CLEC16A: variants seen among roughly 807,000 people sequenced by gnomAD.
CLEC16A encodes the protein C-type lectin domain containing 16A.
A neutral mutation model predicts 109.5 loss-of-function variants in CLEC16A; 51 were observed. The observed-to-expected ratio is 0.47, with a 90% CI of 0.37 to 0.59. The LOEUF (loss-of-function observed/expected upper bound fraction) is 0.59. Among genes scored for constraint, CLEC16A ranks in the 20% least tolerant of loss-of-function variants. CLEC16A has a pLI of 0.00. For synonymous variants in CLEC16A, 673 were observed against 564.2 expected (o/e 1.19, Z -2.73); for missense variants, 1,339 against 1,394.0 (o/e 0.96, Z 0.63).
At chr16:11,129,418 G>A (rs2053044478) in intron 22 of CLEC16A, among the ~76,000 whole-genome samples, 1 of 152,138 alleles carries the variant, frequency 6.6e-6, no homozygotes, top group African/African-American at 2.4e-5. Flanking sequence ...GAAGACATCT[G>A]GATTCTCCTC....
Position 10,969,388 on chromosome 16 carries a change from A to G in CLEC16A, c.492+79A>G, listed in dbSNP as rs918520273. The G allele has an allele frequency of 1.2e-5, 12 of 978,298 alleles. No homozygotes were observed. In the Admixed American group the frequency reaches 3.7e-4, roughly 30 times the overall value. The allele number at this position is 978,298 out of a possible 1,614,324, so 60.6% of individuals were successfully genotyped here. A position where few individuals can be genotyped will look rare whatever the true frequency, so the allele number is the denominator to read the frequency against. On this transcript the variant is annotated intron_variant, in intron 4 of 23. Transcript: ENST00000409790. ...TTTTTTTTTTTTACGGCAGCGCCTT[A>G]TATCTGGATGGTCTTGTGTCTGTTT...
At chr16:10,964,471 G>A (rs1246752093) in intron 3 of CLEC16A, among the ~76,000 whole-genome samples, 1 of 152,244 alleles carries the variant, frequency 6.6e-6, no homozygotes, top group African/African-American at 2.4e-5. Flanking sequence ...GCTGCTGTTT[G>A]TGCATCTGTC....
At chr16:11,156,928 C>G (rs1418941745) in intron 22 of CLEC16A, 2 of 225,976 alleles carry the variant, frequency 8.9e-6, no homozygotes, top group East Asian at 2.7e-4. Context: ...CCCCCCCCCC[C>G]ACCCACCCCC....
chr16:11,039,652 T>C, intron 13 of CLEC16A, 102 bp from the exon 14 acceptor site: 3 of 1,278,022 alleles, frequency 2.3e-6, no homozygotes, highest in Non-Finnish European at 3.2e-6. Context: ...AGAGGGAACA[T>C]ATGTGGCTGA....
rs944414109 is a variant in CLEC16A at position 10,954,115 on chromosome 16, C to T, written c.81-3667C>T. On this transcript the variant is annotated intron_variant, in intron 1 of 23. Transcript: ENST00000409790. The surrounding 1 kb of genome is among the most constrained non-coding windows in gnomAD (Gnocchi z 4.2). ...CCACGCAATATCACTGCATACCCAG[C>T]AGATGGCGCCACCGACCAGGGCAAA... 6.6e-6 allele frequency among the ~76,000 whole-genome samples: 1 copy of T among 152,180 alleles called. No individual in the cohort carries two copies. The highest frequency in any genetic ancestry group is 1.5e-5 in the Non-Finnish European group (1 of 68,030).
At chr16:10,967,204 C>T (rs763971167) in intron 3 of CLEC16A, among the ~76,000 whole-genome samples, 37 of 152,168 alleles carry the variant, frequency 2.4e-4, no homozygotes, top group Non-Finnish European at 3.5e-4. Flanking sequence ...GCCACAGGCC[C>T]ACACTGTGGC....
chr16:10,995,915 G>C (rs1284338650), intron 10 of CLEC16A, among the ~76,000 whole-genome samples: 1 of 152,206 alleles, frequency 6.6e-6, no homozygotes, highest in African/African-American at 2.4e-5. Flanking sequence ...CGGCCTAGGA[G>C]AGCCTGGAAG....
At chr16:11,153,978 A>G (rs1446060713) in intron 22 of CLEC16A, among the ~76,000 whole-genome samples, 3 of 152,174 alleles carry the variant, frequency 2.0e-5, no homozygotes, top group East Asian at 1.9e-4. Context: ...ACACCTCCCC[A>G]TAAGTGCCAA....
At chr16:11,152,792 G>A (rs1484139986) in intron 22 of CLEC16A, among the ~76,000 whole-genome samples, 1 of 152,132 alleles carries the variant, frequency 6.6e-6, no homozygotes, top group Non-Finnish European at 1.5e-5. Context: ...CTTTCCTCCA[G>A]CCTCCCTCTG....
chr16:11,116,001 G>A (rs558725442), intron 19 of CLEC16A, among the ~76,000 whole-genome samples: 18 of 152,044 alleles, frequency 1.2e-4, no homozygotes, highest in African/African-American at 3.9e-4. Context: ...ATGAGCCACC[G>A]TGCCCAGCCC....
At chr16:11,097,436 CA>C (rs1482930816) in intron 19 of CLEC16A, among the ~76,000 whole-genome samples, 1 of 152,160 alleles carries the variant, frequency 6.6e-6, no homozygotes, top group African/African-American at 2.4e-5. Flanking sequence ...GTTAATCTTT[CA>C]TTAGAATTTG....
chr16:11,057,596 G>A (rs1394568531), intron 18 of CLEC16A, among the ~76,000 whole-genome samples: 1 of 152,204 alleles, frequency 6.6e-6, no homozygotes, highest in African/African-American at 2.4e-5. Context: ...ATTTGAGCTT[G>A]GTCAGCTGTC....
At chr16:11,021,568 G>A (rs572240246) in intron 12 of CLEC16A, among the ~76,000 whole-genome samples, 1 of 152,164 alleles carries the variant, frequency 6.6e-6, no homozygotes, top group Admixed American at 6.5e-5. Context: ...GAGGCCAAGG[G>A]GGGAGGATCA....
intron 22 of CLEC16A, among the ~76,000 whole-genome samples, chr16:11,143,182 C>T (rs940264680): frequency 6.6e-6 from 1 of 152,214 alleles, no homozygotes; most frequent in Non-Finnish European, 1.5e-5. Flanking sequence ...ACCTGGTGAG[C>T]TTGCAGTCTT....
intron 3 of CLEC16A, among the ~76,000 whole-genome samples, chr16:10,963,888 C>A (rs1177114011): frequency 1.3e-5 from 2 of 152,166 alleles, no homozygotes; most frequent in African/African-American, 2.4e-5. Flanking sequence ...GGACAGGCCC[C>A]CCACAACAGG....
chr16:10,986,730 A>AGT (rs200977014), intron 10 of CLEC16A, among the ~76,000 whole-genome samples: 10,809 of 116,798 alleles, frequency 0.093, 393 homozygotes, highest in African/African-American at 0.17. Context: ...TTTAAGGCTC[A>AGT]ATGTGTGTGT....
At chr16:11,154,183 C>G (rs1274793739) in intron 22 of CLEC16A, among the ~76,000 whole-genome samples, 1 of 152,210 alleles carries the variant, frequency 6.6e-6, no homozygotes, top group Non-Finnish European at 1.5e-5. Context: ...TCCCTCCGTC[C>G]CCATCCTCCA....
intron 3 of CLEC16A, among the ~76,000 whole-genome samples, chr16:10,968,334 C>G (rs1468272458): frequency 6.6e-6 from 1 of 152,196 alleles, no homozygotes; most frequent in African/African-American, 2.4e-5. Flanking sequence ...TCAGGAGATG[C>G]AGTGTTGGAA....
At chr16:11,017,999 TAAA>T (rs34526192) in intron 11 of CLEC16A, among the ~76,000 whole-genome samples, 35,849 of 138,674 alleles carry the variant, frequency 0.26, 4,550 homozygotes, top group South Asian at 0.3. Context: ...AAAGAGGTAT[TAAA>T]AAAAAAAAAA....
Sources: gnomAD v4.1 joint callset for allele counts (sites outside exome capture counted in the v4.1 genomes callset) on GRCh38, gnomAD v4.1.1 for gene constraint, Gnocchi (gnomAD v3.1) non-coding constraint, MANE v1.5 for transcripts, NCBI Gene and HGNC (gene_info 2026-07-23, HGNC 2026-07-21) for gene names.